SORL1: variants seen among roughly 807,000 people sequenced by gnomAD.
The protein encoded by SORL1 is sortilin related receptor 1.
Under a neutral mutation model 273.7 loss-of-function variants are expected in SORL1, and 127 were observed. The observed-to-expected ratio is 0.46, with a 90% CI of 0.40 to 0.54. The LOEUF (loss-of-function observed/expected upper bound fraction) is 0.54. SORL1 is among the 20% of genes least tolerant of loss of function. The probability of loss-of-function intolerance (pLI) is 0.00; values close to 1 mark genes in which losing one functional copy is unlikely to be tolerated. For synonymous variants in SORL1, 1,031 were observed against 1,067.4 expected, an observed-to-expected ratio of 0.97 and a Z score of 0.66; for missense variants, 2,494 against 2,846.1, an observed-to-expected ratio of 0.88 and a Z score of 2.81.
At position 121,632,895 on chromosome 11, in the gene SORL1, G is replaced by A. The variant is rs931111207; in HGVS notation, c.*3332G>A. 2 of 152,260 alleles carry A rather than the reference G, an allele frequency of 1.3e-5. No homozygotes were observed. The highest frequency in any genetic ancestry group is 6.5e-5 in the Admixed American group (1 of 15,302). The allele number at this position is 152,260 out of a possible 1,614,324, so 9.4% of individuals were successfully genotyped here. ...TTCTTCCTTCTGCAGACAGTTGGATGAGTCCCTTAGAGAAGGCATCCAGAG... is the reference window on the plus strand; with the variant it reads ...TTCTTCCTTCTGCAGACAGTTGGATAAGTCCCTTAGAGAAGGCATCCAGAG... On this transcript the variant is annotated 3_prime_UTR_variant, in exon 48 of 48. Transcript: ENST00000260197.
intron 23 of SORL1, among the ~76,000 whole-genome samples, chr11:121,571,058 A>G (rs1208399653): frequency 6.6e-6 from 1 of 152,166 alleles, no homozygotes; most frequent in Non-Finnish European, 1.5e-5. Context: ...GGGCCTGCAT[A>G]TATATTGCCG....
At chr11:121,494,983 T>C (rs1861606746) in intron 5 of SORL1, among the ~76,000 whole-genome samples, 1 of 152,188 alleles carries the variant, frequency 6.6e-6, no homozygotes, top group African/African-American at 2.4e-5. Context: ...AAGAATAGTG[T>C]TCTCCCACAC....
chr11:121,506,034 A>G (rs1234392476), intron 6 of SORL1, among the ~76,000 whole-genome samples: 2 of 152,190 alleles, frequency 1.3e-5, no homozygotes, highest in Non-Finnish European at 2.9e-5. Flanking sequence ...AGGTGGGAAA[A>G]TCTTCAACTG....
chr11:121,452,467 CG>C lies in SORL1; in HGVS notation c.140del (p.Gly47AlafsTer52). On this transcript the variant is annotated frameshift_variant, in exon 1 of 48. Coordinates refer to ENST00000260197, the MANE Select transcript of SORL1 (RefSeq NM_003105.6). LOFTEE classifies it high-confidence loss of function. This position sits in a 1 kb window ranked among gnomAD's most constrained non-coding sequence, Gnocchi z 5.3. ...CGGCAGCGCGCCCTTGCCCCAGGAC[CG>C]GGGCTTCCTCGTGGTGCAGGGCGAC... Reference protein sequence around the residue: ...HGGSAPLPQDRGFLVVQGDPR... With the variant: ...HGGSAPLPQDXGFLVVQGDPR... The C allele has an allele frequency of 6.6e-7, 1 of 1,507,152 alleles. No individual in the cohort carries two copies. The highest frequency in any genetic ancestry group is 8.9e-7 in the Non-Finnish European group (1 of 1,128,914). 93.4% of individuals were successfully genotyped at this position (1,507,152 alleles called of 1,614,324 possible).
chr11:121,606,138 G>A (rs1196041322), intron 35 of SORL1, among the ~76,000 whole-genome samples: 1 of 152,120 alleles, frequency 6.6e-6, no homozygotes, highest in Non-Finnish European at 1.5e-5. Flanking sequence ...ACCTAGGCTG[G>A]TCTTGAGCTA....
At chr11:121,564,245 C>A (rs1157457837) in intron 21 of SORL1, among the ~76,000 whole-genome samples, 50 of 152,210 alleles carry the variant, frequency 3.3e-4, no homozygotes, top group Non-Finnish European at 4.4e-5. Flanking sequence ...CAGCTTCTCT[C>A]TGATGCAGCT....
At chr11:121,578,988 A>G (rs1862976077) in intron 25 of SORL1, among the ~76,000 whole-genome samples, 2 of 152,238 alleles carry the variant, frequency 1.3e-5, no homozygotes, top group African/African-American at 4.8e-5. Flanking sequence ...TACTTAGTTA[A>G]TAGATTAGAA....
intron 40 of SORL1, 68 bp from the exon 41 acceptor site, chr11:121,614,803 G>A (rs1863615638): frequency 1.5e-6 from 2 of 1,297,116 alleles, no homozygotes; most frequent in Non-Finnish European, 2.2e-6. Context: ...AAAAGTGCAT[G>A]TACCAAGACA....
rs141589571 is a variant in SORL1, at chr11:121,530,961, C to T, written c.1597-1503C>T. ...GAGCCCATCAGTAAATTTCTTATTT[C>T]GGACATTATATTTTTCTGTTATAAA... is the stretch of plus-strand genomic sequence containing the variant. On this transcript the variant is annotated intron_variant, in intron 11 of 47. Transcript: ENST00000260197. Among the ~76,000 whole-genome samples, 20 of 152,254 alleles carry T rather than the reference C, an allele frequency of 1.3e-4. 1 individual carries two copies. The East Asian group carries it at 1.9e-3, about 15-fold the overall frequency.
intron 23 of SORL1, among the ~76,000 whole-genome samples, chr11:121,573,853 C>T (rs974579478): frequency 2.0e-5 from 3 of 152,196 alleles, no homozygotes; most frequent in African/African-American, 7.2e-5. Context: ...GTGCTAACTT[C>T]TTGTGTGAAA....
At chr11:121,625,028 A>G in intron 45 of SORL1, 57 bp from the exon 46 acceptor site, 2 of 1,288,246 alleles carry the variant, frequency 1.6e-6, no homozygotes, top group Non-Finnish European at 2.2e-6. Flanking sequence ...AACCAGTAAT[A>G]GAGGCTGTCA....
chr11:121,622,990 G>A (rs183925730), intron 45 of SORL1, among the ~76,000 whole-genome samples: 320 of 152,310 alleles, frequency 2.1e-3, no homozygotes, highest in African/African-American at 7.4e-3. Context: ...AATAGTCACC[G>A]TGCAATACCA....
intron 40 of SORL1, among the ~76,000 whole-genome samples, chr11:121,614,088 T>C (rs1406528720): frequency 6.6e-6 from 1 of 152,220 alleles, no homozygotes; most frequent in East Asian, 1.9e-4. Flanking sequence ...CCAAAGGCTA[T>C]CTTGTTAGCG....
intron 6 of SORL1, among the ~76,000 whole-genome samples, chr11:121,504,698 C>G (rs1861761745): frequency 6.6e-6 from 1 of 151,578 alleles, no homozygotes; most frequent in South Asian, 2.1e-4. Flanking sequence ...ATTTTTTTGC[C>G]CAACTGCCTT....
chr11:121,562,742 G>A (rs1347917538), intron 21 of SORL1, among the ~76,000 whole-genome samples: 3 of 152,184 alleles, frequency 2.0e-5, no homozygotes, highest in Non-Finnish European at 2.9e-5. Context: ...GGGAAAGGGT[G>A]AAAGTTCTAG....
chr11:121,619,815 G>A lies in SORL1; in HGVS notation c.5787G>A (p.Pro1929=), dbSNP rs746158920. ...ACTACGTTGTAGTGAAGATGATCCCGGACAGCAGGCTTCCACCCCGTCACC... is the reference window on the plus strand; with the variant it reads ...ACTACGTTGTAGTGAAGATGATCCCAGACAGCAGGCTTCCACCCCGTCACC... ...SSDYVVVKMI[P]DSRLPPRHLH... The change falls in exon 43 of 48, where the codon CCG becomes CCA. Residue 1929 remains proline, a synonymous_variant. Transcript: ENST00000260197. 7.4e-6 allele frequency: 12 copies of A among 1,613,920 alleles called. No homozygotes were observed. The highest frequency in any genetic ancestry group is 1.7e-5 in the Admixed American group (1 of 60,022).
At chr11:121,545,553 T>C (rs555540427) in intron 14 of SORL1, 124 bp downstream of exon 14, 2 of 870,318 alleles carry the variant, frequency 2.3e-6, no homozygotes, top group East Asian at 2.7e-5. Flanking sequence ...AACAAGTATT[T>C]GTGAAGCATC....
At chr11:121,476,633 A>C (rs952165812) in intron 2 of SORL1, among the ~76,000 whole-genome samples, 8 of 152,086 alleles carry the variant, frequency 5.3e-5, no homozygotes, top group African/African-American at 1.9e-4. Context: ...TTTGCTGATG[A>C]CTCAGACAAG....
rs547777481 is a variant in SORL1, at chr11:121,466,476, C to A, written c.286-3531C>A. On this transcript the variant is annotated intron_variant, in intron 1 of 47. Transcript: ENST00000260197. ...TTGTTCTTGATTGCTGGGGTCTGCC[C>A]TGGGCTGCTGGTGTCTTGGCCACAT... Among the ~76,000 whole-genome samples the A allele has an allele frequency of 4.5e-4, 69 of 152,290 alleles. 2 individuals are homozygous for A. In the South Asian group the frequency reaches 0.014, roughly 32 times the overall value.
Sources: gnomAD v4.1 joint callset for allele counts (sites outside exome capture counted in the v4.1 genomes callset) on GRCh38, gnomAD v4.1.1 for gene constraint, Gnocchi (gnomAD v3.1) non-coding constraint, MANE v1.5 for transcripts, NCBI Gene and HGNC (gene_info 2026-07-23, HGNC 2026-07-21) for gene names.